Variants in SLC7A14 observed in about 807,000 individuals in gnomAD.
SLC7A14 encodes solute carrier family 7 member 14.
In SLC7A14, 37 loss-of-function variants were observed where a neutral mutation model predicts 60.2. The observed-to-expected ratio is 0.61, with a 90% CI of 0.47 to 0.81. SLC7A14 has a LOEUF of 0.81. Among genes scored for constraint, SLC7A14 ranks in the 30% least tolerant of loss-of-function variants. SLC7A14 has a pLI of 0.00. For synonymous variants in SLC7A14, 399 were observed against 395.8 expected (o/e 1.01, Z -0.10); for missense variants, 886 against 982.7 (o/e 0.90, Z 1.32).
intron 4 of SLC7A14, among the ~76,000 whole-genome samples, chr3:170,492,637 A>G (rs1012885825): frequency 5.9e-5 from 9 of 152,210 alleles, no homozygotes; most frequent in African/African-American, 2.2e-4. Flanking sequence ...GGAAAGCAGC[A>G]CGTGCCTCAG....
At chr3:170,551,281 G>T (rs1577556406) in intron 1 of SLC7A14, among the ~76,000 whole-genome samples, 1 of 151,994 alleles carries the variant, frequency 6.6e-6, no homozygotes, top group African/African-American at 2.4e-5. Context: ...ACCATATTTT[G>T]TTCACTCATT....
chr3:170,525,304 G>A (rs1238687420), intron 2 of SLC7A14, among the ~76,000 whole-genome samples: 2 of 152,210 alleles, frequency 1.3e-5, no homozygotes, highest in African/African-American at 2.4e-5. Context: ...GAAGGAAGAG[G>A]AAAAGGCAAT....
At chr3:170,575,867 C>T (rs1157668723) in intron 1 of SLC7A14, among the ~76,000 whole-genome samples, 1 of 152,174 alleles carries the variant, frequency 6.6e-6, no homozygotes, top group Non-Finnish European at 1.5e-5. Flanking sequence ...TCCTAAGATA[C>T]TCATAAAATC....
At chr3:170,542,959 G>C (rs1714066124) in intron 1 of SLC7A14, among the ~76,000 whole-genome samples, 1 of 152,184 alleles carries the variant, frequency 6.6e-6, no homozygotes. Flanking sequence ...TCTCTTTGCT[G>C]AAAGAGTGAT....
At chr3:170,558,426 A>AC (rs1001316779) in intron 1 of SLC7A14, among the ~76,000 whole-genome samples, 4 of 152,114 alleles carry the variant, frequency 2.6e-5, no homozygotes, top group African/African-American at 9.7e-5. Flanking sequence ...TCAGTGGATC[A>AC]CCCCAACAAC....
chr3:170,573,785 T>G (rs1008829128), intron 1 of SLC7A14, among the ~76,000 whole-genome samples: 5 of 152,202 alleles, frequency 3.3e-5, no homozygotes, highest in Admixed American at 6.5e-5. Context: ...CTTGTCTCTG[T>G]TGCAGCCTGA....
At chr3:170,510,360 A>G (rs1238263264) in intron 2 of SLC7A14, among the ~76,000 whole-genome samples, 1 of 147,392 alleles carries the variant, frequency 6.8e-6, no homozygotes, top group Non-Finnish European at 1.5e-5. Flanking sequence ...ACTGCACTCC[A>G]GCCTCAGTGA....
At chr3:170,551,955 T>C in intron 1 of SLC7A14, among the ~76,000 whole-genome samples, 1 of 152,234 alleles carries the variant, frequency 6.6e-6, no homozygotes, top group East Asian at 1.9e-4. Context: ...TTGTTTATGC[T>C]TTTGATATCA....
At chr3:170,578,273 G>C (rs939431420) in intron 1 of SLC7A14, among the ~76,000 whole-genome samples, 11 of 152,178 alleles carry the variant, frequency 7.2e-5, no homozygotes, top group African/African-American at 2.4e-4. Context: ...GTAAACAATT[G>C]GTCAATGACA....
intron 7 of SLC7A14, 38 bp downstream of exon 7, chr3:170,480,251 A>G: frequency 6.6e-7 from 1 of 1,510,712 alleles, no homozygotes. Flanking sequence ...TTAAGACCTT[A>G]AAAGGGAACT....
intron 3 of SLC7A14, among the ~76,000 whole-genome samples, chr3:170,499,351 C>A (rs1189085257): frequency 1.4e-5 from 2 of 147,552 alleles, no homozygotes; most frequent in African/African-American, 2.6e-5. Flanking sequence ...CAAGCAGATA[C>A]CAGTATCTAT....
chr3:170,469,684 T>G lies in SLC7A14; in HGVS notation c.1994-2307A>C, dbSNP rs182735058. Among the ~76,000 whole-genome samples, 456 of 152,298 alleles carry G rather than the reference T, an allele frequency of 3.0e-3. 1 individual carries two copies. Among genetic ancestry groups the G allele is most frequent in the African/African-American group, 0.01 (431 of 41,574 alleles). On this transcript the variant is annotated intron_variant, in intron 7 of 7. Transcript: ENST00000231706. ...GTGCACACCTCCTTTTGCACTGCTT[T>G]GCTTTTTTGCCATCTTTTCTTCTAG... is the stretch of plus-strand genomic sequence containing the variant.
At chr3:170,560,599 C>T (rs889478351) in intron 1 of SLC7A14, among the ~76,000 whole-genome samples, 1 of 152,146 alleles carries the variant, frequency 6.6e-6, no homozygotes, top group Admixed American at 6.5e-5. Flanking sequence ...TAGGCACTAG[C>T]ACGGATGCAC....
At chr3:170,489,996 A>C (rs370498841) in intron 4 of SLC7A14, among the ~76,000 whole-genome samples, 1 of 152,148 alleles carries the variant, frequency 6.6e-6, no homozygotes, top group Non-Finnish European at 1.5e-5. Context: ...ATGGGTACAA[A>C]AAAAGTAGAA....
chr3:170,557,587 T>G (rs1306333186), intron 1 of SLC7A14, among the ~76,000 whole-genome samples: 1 of 152,196 alleles, frequency 6.6e-6, no homozygotes, highest in Non-Finnish European at 1.5e-5. Context: ...ACCTAGTGTA[T>G]AAGAGTGGAG....
intron 1 of SLC7A14, among the ~76,000 whole-genome samples, chr3:170,543,450 G>GACC (rs1014017252): frequency 6.6e-6 from 1 of 151,974 alleles, no homozygotes; most frequent in Non-Finnish European, 1.5e-5. Flanking sequence ...GGGAGTTTGA[G>GACC]ACCAGCCTGA....
chr3:170,536,983 C>T (rs2108298320), intron 1 of SLC7A14, among the ~76,000 whole-genome samples: 1 of 152,326 alleles, frequency 6.6e-6, no homozygotes, highest in South Asian at 2.1e-4. Context: ...TGTCCTTACA[C>T]TCAAGACAGA....
In SLC7A14 at chr3:170,508,800, A is replaced by T. The variant is rs143652620; in HGVS notation, c.305-7455T>A. Among the ~76,000 whole-genome samples, 812 of 152,252 alleles carry T rather than the reference A, an allele frequency of 5.3e-3. 6 individuals carry two copies. Among genetic ancestry groups the T allele is most frequent in the Middle Eastern group, 0.017 (5 of 294 alleles). On this transcript the variant is annotated intron_variant, in intron 2 of 7. Coordinates refer to ENST00000231706, the MANE Select transcript of SLC7A14 (RefSeq NM_020949.3). ...TGTTGCTAGTCCTGCCTAAATGTAGATGGGGAGTGGGGTATGAAGAGAAAT... is the reference window on the plus strand; with the variant it reads ...TGTTGCTAGTCCTGCCTAAATGTAGTTGGGGAGTGGGGTATGAAGAGAAAT...
intron 1 of SLC7A14, among the ~76,000 whole-genome samples, chr3:170,566,998 T>A (rs1427237738): frequency 6.7e-6 from 1 of 150,012 alleles, no homozygotes; most frequent in Non-Finnish European, 1.5e-5. Context: ...TTATTTTTTA[T>A]TTTTTTATTT....
Sources: allele counts gnomAD v4.1 joint callset (sites outside exome capture counted in the v4.1 genomes callset), GRCh38; gene constraint gnomAD v4.1.1; transcripts MANE v1.5; gene names NCBI Gene and HGNC (gene_info 2026-07-23, HGNC 2026-07-21).